Variants in SCFD2 observed in about 807,000 individuals in gnomAD.
SCFD2 encodes sec1 family domain containing 2.
In SCFD2, 54 loss-of-function variants were observed where a neutral mutation model predicts 58.9. That is an observed-to-expected ratio of 0.92 (90% CI 0.74 to 1.15). The LOEUF (loss-of-function observed/expected upper bound fraction) is 1.15, where lower values mean the gene tolerates loss of function less well. Ranked by LOEUF, SCFD2 falls within the 50% of genes most tolerant of loss-of-function variation. The probability of loss-of-function intolerance (pLI) is 0.00; values close to 1 mark genes in which losing one functional copy is unlikely to be tolerated. For synonymous variants in SCFD2, 321 were observed against 335.9 expected, an observed-to-expected ratio of 0.96 and a Z score of 0.49; for missense variants, 805 against 836.6, an observed-to-expected ratio of 0.96 and a Z score of 0.47.
chr4:53,249,438 T>A (rs1220287529), intron 4 of SCFD2, among the ~76,000 whole-genome samples: 1 of 152,120 alleles, frequency 6.6e-6, no homozygotes, highest in African/African-American at 2.4e-5. Context: ...AACGTTCAGA[T>A]TCAGAAAATA....
intron 4 of SCFD2, among the ~76,000 whole-genome samples, chr4:53,251,031 T>TA (rs1409777525): frequency 6.6e-6 from 1 of 151,980 alleles, no homozygotes; most frequent in Non-Finnish European, 1.5e-5. Flanking sequence ...ATAGATGCAA[T>TA]AAAAAATGAC....
intron 5 of SCFD2, among the ~76,000 whole-genome samples, chr4:53,115,480 A>G (rs1265302877): frequency 6.6e-6 from 1 of 152,162 alleles, no homozygotes; most frequent in Admixed American, 6.5e-5. Flanking sequence ...AGGCAGAATT[A>G]ATGAATGTCA....
At chr4:53,107,561 A>G (rs1725042146) in intron 5 of SCFD2, among the ~76,000 whole-genome samples, 1 of 152,150 alleles carries the variant, frequency 6.6e-6, no homozygotes, top group Non-Finnish European at 1.5e-5. Context: ...AGCAAAAAAA[A>G]GCAGGGGTTG....
chr4:53,044,828 G>A (rs1456693933), intron 5 of SCFD2, among the ~76,000 whole-genome samples: 3 of 134,040 alleles, frequency 2.2e-5, no homozygotes, highest in Admixed American at 7.5e-5. Flanking sequence ...GAGTATTTCT[G>A]TTTTTTTTTT....
intron 5 of SCFD2, among the ~76,000 whole-genome samples, chr4:53,029,496 T>C (rs1205973787): frequency 6.6e-6 from 1 of 152,238 alleles, no homozygotes; most frequent in Non-Finnish European, 1.5e-5. Context: ...CTTAAACAAT[T>C]CGAGTTTCTA....
At chr4:53,074,640 T>C (rs1375348666) in intron 5 of SCFD2, among the ~76,000 whole-genome samples, 1 of 152,196 alleles carries the variant, frequency 6.6e-6, no homozygotes, top group African/African-American at 2.4e-5. Context: ...TTAGCAGGCA[T>C]AAGAACAACA....
intron 3 of SCFD2, among the ~76,000 whole-genome samples, chr4:53,277,896 C>CA (rs1379237742): frequency 2.6e-5 from 4 of 151,478 alleles, no homozygotes; most frequent in East Asian, 2.0e-4. Flanking sequence ...ACTAAAAATG[C>CA]AAAAAAATTA....
chr4:53,171,681 T>G (rs1727181461), intron 4 of SCFD2, among the ~76,000 whole-genome samples: 1 of 152,176 alleles, frequency 6.6e-6, no homozygotes, highest in South Asian at 2.1e-4. Context: ...ATTTTCTTAC[T>G]TGTTATTAAC....
chr4:53,310,313 T>G (rs1283989758), intron 3 of SCFD2, among the ~76,000 whole-genome samples: 1 of 152,324 alleles, frequency 6.6e-6, no homozygotes, highest in East Asian at 1.9e-4. Flanking sequence ...GGCTCTAATA[T>G]AATAGAATAG....
intron 5 of SCFD2, among the ~76,000 whole-genome samples, chr4:53,093,312 AC>A (rs1170178279): frequency 1.3e-5 from 2 of 152,182 alleles, no homozygotes; most frequent in East Asian, 3.8e-4. Context: ...AAAAAGGATC[AC>A]CATGGCTGCT....
intron 2 of SCFD2, among the ~76,000 whole-genome samples, chr4:53,341,547 A>T (rs1362152741): frequency 1.3e-5 from 2 of 152,238 alleles, no homozygotes; most frequent in African/African-American, 4.8e-5. Context: ...GATATTTTCC[A>T]GGAAAACTTC....
intron 5 of SCFD2, among the ~76,000 whole-genome samples, chr4:53,011,646 C>T (rs1474008795): frequency 2.0e-5 from 3 of 152,264 alleles, no homozygotes; most frequent in African/African-American, 7.2e-5. Flanking sequence ...TAAATAACTC[C>T]ATTCTTCTCA....
At chr4:53,181,094 A>G (rs1727536662) in intron 4 of SCFD2, among the ~76,000 whole-genome samples, 1 of 152,210 alleles carries the variant, frequency 6.6e-6, no homozygotes, top group Admixed American at 6.5e-5. Flanking sequence ...ACCTGGTACC[A>G]TTCCTTCTGA....
At position 53,139,780 on chromosome 4, in the gene SCFD2, G is replaced by A. The variant is rs1234896585; in HGVS notation, c.1561+5553C>T. ...TCGAATAGAAAGGGGGGATGTGTGGGGAAAAGAAAGAGAGATCGGATTGTT... is the reference window on the plus strand; with the variant it reads ...TCGAATAGAAAGGGGGGATGTGTGGAGAAAAGAAAGAGAGATCGGATTGTT... On this transcript the variant is annotated intron_variant, in intron 5 of 8. Transcript: ENST00000401642. Among the ~76,000 whole-genome samples, 5 of 152,346 alleles carry A rather than the reference G, an allele frequency of 3.3e-5. No homozygotes were observed. The South Asian group carries it at 8.3e-4, about 25-fold the overall frequency.
chr4:53,361,382 A>G (rs1260343753), intron 1 of SCFD2, among the ~76,000 whole-genome samples: 2 of 152,220 alleles, frequency 1.3e-5, no homozygotes, highest in African/African-American at 2.4e-5. Context: ...AAGGTAATGT[A>G]AAAGTGGGAT....
intron 4 of SCFD2, among the ~76,000 whole-genome samples, chr4:53,171,373 A>C (rs1577799802): frequency 6.6e-6 from 1 of 152,204 alleles, no homozygotes; most frequent in Non-Finnish European, 1.5e-5. Flanking sequence ...CAACTTGTTC[A>C]TTGTGAATTA....
intron 8 of SCFD2, among the ~76,000 whole-genome samples, chr4:52,884,852 G>A (rs17082143): frequency 0.1 from 15,350 of 152,126 alleles, 913 homozygotes; most frequent in East Asian, 0.25. Flanking sequence ...AAAAACGGCC[G>A]GGAATAACTG....
chr4:53,238,583 AG>A (rs1358650637), intron 4 of SCFD2, among the ~76,000 whole-genome samples: 1 of 149,850 alleles, frequency 6.7e-6, no homozygotes, highest in African/African-American at 2.5e-5. Flanking sequence ...TGCCGGGCGG[AG>A]GGGCTCCTCA....
chr4:53,146,895 T>C (rs1056006173), intron 4 of SCFD2, among the ~76,000 whole-genome samples: 3 of 152,212 alleles, frequency 2.0e-5, no homozygotes, highest in Non-Finnish European at 4.4e-5. Context: ...ACACAGTATA[T>C]ACAGGATTCA....
Sources: gnomAD v4.1 joint callset for allele counts (sites outside exome capture counted in the v4.1 genomes callset) on GRCh38, gnomAD v4.1.1 for gene constraint, MANE v1.5 for transcripts, NCBI Gene and HGNC (gene_info 2026-07-23, HGNC 2026-07-21) for gene names.